Variants in DNM1L observed in about 807,000 individuals in gnomAD.
DNM1L encodes the protein dynamin-1-like protein.
DNM1L carries 33 observed loss-of-function variants against 92.8 expected under a neutral mutation model. The observed-to-expected ratio is 0.36, with a 90% CI of 0.27 to 0.48. The LOEUF (loss-of-function observed/expected upper bound fraction) is 0.48, where lower values mean the gene tolerates loss of function less well. Ranked by LOEUF, DNM1L falls within the 20% of genes least tolerant of loss-of-function variation. The pLI is 0.99. For synonymous variants in DNM1L, 284 were observed against 305.0 expected (o/e 0.93, Z 0.72); for missense variants, 485 against 888.8 (o/e 0.55, Z 5.78).
At chr12:32,717,995 G>C (rs1248163180) in intron 6 of DNM1L, among the ~76,000 whole-genome samples, 1 of 110,054 alleles carries the variant, frequency 9.1e-6, no homozygotes, top group South Asian at 2.6e-4. Flanking sequence ...AGTATGTATA[G>C]TATATATAAT....
At chr12:32,740,591 A>G (rs1955219918) in intron 18 of DNM1L, 73 bp downstream of exon 18, 2 of 1,330,496 alleles carry the variant, frequency 1.5e-6, no homozygotes, top group African/African-American at 1.5e-5. Context: ...TGAAAAATAC[A>G]TGTATTTTTA....
Position 32,731,527 on chromosome 12 carries a change from G to T in DNM1L, c.1356+16G>T, listed in dbSNP as rs772610134. On this transcript the variant is annotated intron_variant, in intron 11 of 19. Coordinates refer to ENST00000549701, the MANE Select transcript of DNM1L (RefSeq NM_012062.5). The surrounding 1 kb of genome is among the most constrained non-coding windows in gnomAD (Gnocchi z 5.1). Reference sequence around the variant, plus strand: ...CAGTACACAGGTAACGGAGAGAAATGTAACAGGTTTCACATGAACTAGAAA... The same window carrying T: ...CAGTACACAGGTAACGGAGAGAAATTTAACAGGTTTCACATGAACTAGAAA... The T allele has an allele frequency of 2.2e-5, 35 of 1,613,588 alleles. No individual in the cohort carries two copies. The Admixed American group carries it at 4.5e-4, about 21-fold the overall frequency.
intron 9 of DNM1L, 54 bp downstream of exon 9, chr12:32,722,687 T>G (rs1456722242): frequency 2.2e-6 from 3 of 1,386,774 alleles, no homozygotes; most frequent in Non-Finnish European, 2.0e-6. Context: ...AGGTCACTTT[T>G]CCTTTTGTGA....
intron 8 of DNM1L, among the ~76,000 whole-genome samples, chr12:32,721,588 T>C (rs1953806800): frequency 6.6e-6 from 1 of 152,196 alleles, no homozygotes; most frequent in South Asian, 2.1e-4. Flanking sequence ...CAGAATGCTT[T>C]TGAGAGCAGA....
At chr12:32,687,378 T>C (rs935743807) in intron 1 of DNM1L, among the ~76,000 whole-genome samples, 1 of 152,124 alleles carries the variant, frequency 6.6e-6, no homozygotes, top group Non-Finnish European at 1.5e-5. Context: ...CTAGTACCAT[T>C]TGTTGGAGAG....
rs908253459 is a variant in DNM1L at position 32,726,760 on chromosome 12, C to G, written c.1079+4127C>G. The G allele has an allele frequency of 3.7e-5, 23 of 616,378 alleles. No homozygotes were observed. The African/African-American group carries it at 4.1e-4, about 11-fold the overall frequency. 38.2% of individuals were successfully genotyped at this position (616,378 alleles called of 1,614,324 possible). A position where few individuals can be genotyped will look rare whatever the true frequency, so the allele number is the denominator to read the frequency against. The stretch of plus-strand genomic sequence containing the variant: ...ATGGTTTTCAAAATGACATTCTTTC[C>G]TTTTTTCCAATCTATCTGGCCCCCT... On this transcript the variant is annotated intron_variant, in intron 9 of 19. Transcript: ENST00000549701.
At chr12:32,708,616 A>T (rs1321572294) in intron 4 of DNM1L, among the ~76,000 whole-genome samples, 2 of 152,028 alleles carry the variant, frequency 1.3e-5, no homozygotes, top group Non-Finnish European at 2.9e-5. Context: ...ATATCTTTTG[A>T]GGAGTTCTTT....
chr12:32,731,162 A>T lies in DNM1L; in HGVS notation c.1200+28A>T, dbSNP rs757034198. On this transcript the variant is annotated intron_variant, in intron 10 of 19. Coordinates refer to ENST00000549701, the MANE Select transcript of DNM1L (RefSeq NM_012062.5). The surrounding 1 kb of genome is among the most constrained non-coding windows in gnomAD (Gnocchi z 5.1). ...GAGTATGTTTAGCTTTTTAGACTGT[A>T]AAAAAAAATGAGGTTAAAGTTTTTC... The T allele has an allele frequency of 6.0e-5, 95 of 1,578,252 alleles. No individual in the cohort carries two copies. The highest frequency in any genetic ancestry group is 7.9e-5 in the Non-Finnish European group (91 of 1,154,512).
intron 2 of DNM1L, among the ~76,000 whole-genome samples, chr12:32,704,186 GA>G (rs1018548264): frequency 3.3e-5 from 5 of 151,536 alleles, no homozygotes; most frequent in African/African-American, 7.3e-5. Context: ...AAAAAAATGT[GA>G]AAAAAAAATT....
At chr12:32,715,066 T>C (rs759513113) in intron 6 of DNM1L, among the ~76,000 whole-genome samples, 7 of 151,850 alleles carry the variant, frequency 4.6e-5, no homozygotes, top group African/African-American at 1.7e-4. Context: ...CCTTGAGCCA[T>C]AGATATTGTC....
chr12:32,687,518 C>G (rs1952064459), intron 1 of DNM1L, among the ~76,000 whole-genome samples: 1 of 152,154 alleles, frequency 6.6e-6, no homozygotes, highest in Non-Finnish European at 1.5e-5. Flanking sequence ...TCTTGGGTCA[C>G]TACAGCCTCC....
rs1270400245 is a variant in DNM1L at position 32,705,944 on chromosome 12, T to C, written c.251-1423T>C. The stretch of plus-strand genomic sequence containing the variant: ...CTTATGTACTATTACAGGCTGTGTG[T>C]ATTTTTTTTTCTTCCATTTTTATTT... On this transcript the variant is annotated intron_variant, in intron 2 of 19. Transcript: ENST00000549701. 3.0e-5 allele frequency: 39 copies of C among 1,296,534 alleles called. No individual in the cohort carries two copies. The East Asian group carries it at 9.8e-4, about 33-fold the overall frequency. The allele number at this position is 1,296,534 out of a possible 1,614,324, so 80.3% of individuals were successfully genotyped here. A position where few individuals can be genotyped will look rare whatever the true frequency, so the allele number is the denominator to read the frequency against.
chr12:32,686,263 T>C (rs999670802), intron 1 of DNM1L, among the ~76,000 whole-genome samples: 1 of 152,128 alleles, frequency 6.6e-6, no homozygotes, highest in Non-Finnish European at 1.5e-5. Flanking sequence ...GTCAGGCTAG[T>C]CTCAAACTCA....
rs781103166 is a variant in DNM1L, at chr12:32,679,388, A to C, written c.25A>C (p.Asn9His). MEALIPVI[N>H]KLQDVFNTVG... Reference sequence around the variant, plus strand: ...CATGGAGGCGCTAATTCCTGTCATAAACAAGCTCCAGGACGTCTTCAACAC... The same window carrying C: ...CATGGAGGCGCTAATTCCTGTCATACACAAGCTCCAGGACGTCTTCAACAC... Residue 9 changes from asparagine (N) to histidine (H), a missense_variant, in exon 1 of 20, where the codon AAC (asparagine) becomes CAC (histidine). This residue lies in a region of DNM1L where 19 missense variants were observed against 16.1 expected (regional missense o/e 1.18). Transcript: ENST00000549701. The C allele has an allele frequency of 8.7e-6, 14 of 1,613,716 alleles. No homozygotes were observed. In the Admixed American group the frequency reaches 1.0e-4, roughly 12 times the overall value.
intron 4 of DNM1L, among the ~76,000 whole-genome samples, chr12:32,710,521 A>C (rs1011646272): frequency 5.3e-5 from 8 of 152,034 alleles, no homozygotes; most frequent in Non-Finnish European, 8.8e-5. Flanking sequence ...TCAGGAGGCT[A>C]AGGCAAGAGA....
At chr12:32,726,804 T>C in intron 9 of DNM1L, 1 of 621,170 alleles carries the variant, frequency 1.6e-6, no homozygotes, top group East Asian at 2.7e-5. Context: ...CATAATTTCT[T>C]GTCCATCAAA....
At chr12:32,732,515 G>A (rs1033685258) in intron 12 of DNM1L, 10 of 455,058 alleles carry the variant, frequency 2.2e-5, no homozygotes, top group Admixed American at 1.2e-4. Context: ...TTTGTTTTTT[G>A]TTTTCTTTCT....
Position 32,717,228 on chromosome 12 carries a change from ATTAT to A in DNM1L, c.620-1414_620-1411del, listed in dbSNP as rs1346918906. Among the ~76,000 whole-genome samples, 12 of 111,094 alleles carry A rather than the reference ATTAT, an allele frequency of 1.1e-4. 1 individual carries two copies. The highest frequency in any genetic ancestry group is 8.7e-4 in the Admixed American group (7 of 8,034). 72.9% of individuals were successfully genotyped at this position (111,094 alleles called of 152,430 possible). A position where few individuals can be genotyped will look rare whatever the true frequency, so the allele number is the denominator to read the frequency against. On this transcript the variant is annotated intron_variant, in intron 6 of 19. Transcript: ENST00000549701. ...ATATACTATAAAATATATAGTATAT[ATTAT>A]ATATATTTTATATATAGTATATATA...
At chr12:32,701,749 C>T (rs1472587839) in intron 2 of DNM1L, among the ~76,000 whole-genome samples, 187 bp downstream of exon 2, 2 of 151,528 alleles carry the variant, frequency 1.3e-5, no homozygotes, top group Non-Finnish European at 2.9e-5. Flanking sequence ...GTTTTTGAGA[C>T]GGAGGTCTTA....
Sources: allele counts gnomAD v4.1 joint callset (sites outside exome capture counted in the v4.1 genomes callset), GRCh38; gene constraint gnomAD v4.1.1; regional missense constraint gnomAD v4.1.1; non-coding constraint Gnocchi (gnomAD v3.1); transcripts MANE v1.5; gene names NCBI Gene and HGNC (gene_info 2026-07-23, HGNC 2026-07-21).